The following C1orf87 variants were observed in gnomAD, a reference collection of about 807,000 sequenced individuals.
C1orf87 encodes the protein chromosome 1 open reading frame 87, also known as uncharacterized protein C1orf87.
A neutral mutation model predicts 60.5 loss-of-function variants in C1orf87; 58 were observed. That is an observed-to-expected ratio of 0.96 (90% CI 0.78 to 1.19). C1orf87 has a LOEUF of 1.19. Ranked by LOEUF, C1orf87 falls within the 50% of genes most tolerant of loss-of-function variation. The pLI is 0.00. For missense variants in C1orf87, 673 were observed against 638.6 expected (o/e 1.05, Z -0.58); for synonymous variants, 236 against 227.4 (o/e 1.04, Z -0.34).
chr1:59,992,224 CTATTTATT>C (rs71582609), intron 11 of C1orf87, among the ~76,000 whole-genome samples: 13,136 of 143,546 alleles, frequency 0.092, 644 homozygotes, highest in East Asian at 0.18. Flanking sequence ...AAGTAGGGGT[CTATTTATT>C]TATTTATTTA....
chr1:60,019,444 A>G (rs1427570650), intron 8 of C1orf87, among the ~76,000 whole-genome samples: 1 of 152,170 alleles, frequency 6.6e-6, no homozygotes, highest in African/African-American at 2.4e-5. Flanking sequence ...CAGCAGTGTA[A>G]AAACAGACTG....
At chr1:60,064,516 T>G (rs908594419) in intron 2 of C1orf87, among the ~76,000 whole-genome samples, 6 of 133,378 alleles carry the variant, frequency 4.5e-5, no homozygotes, top group African/African-American at 1.7e-4. Context: ...TAAAAATACT[T>G]TATTGCTAAA....
chr1:60,067,000 A>ACT (rs1645551346), intron 2 of C1orf87, among the ~76,000 whole-genome samples: 1 of 152,146 alleles, frequency 6.6e-6, no homozygotes, highest in Non-Finnish European at 1.5e-5. Flanking sequence ...CCTGCAAAGG[A>ACT]CATGAACTCA....
intron 2 of C1orf87, among the ~76,000 whole-genome samples, chr1:60,061,091 T>TC (rs2100326006): frequency 6.6e-6 from 1 of 152,318 alleles, no homozygotes; most frequent in Non-Finnish European, 1.5e-5. Flanking sequence ...TGTCTCTGCA[T>TC]CACGTCTGGA....
At chr1:60,009,195 A>G (rs1645066060) in intron 9 of C1orf87, among the ~76,000 whole-genome samples, 1 of 152,116 alleles carries the variant, frequency 6.6e-6, no homozygotes, top group Non-Finnish European at 1.5e-5. Flanking sequence ...TTTATAAGAT[A>G]AAGAAGAGGA....
At chr1:59,997,841 C>A (rs762891912) in intron 10 of C1orf87, 25 bp from the exon 11 acceptor site, 1 of 1,604,516 alleles carries the variant, frequency 6.2e-7, no homozygotes, top group South Asian at 1.1e-5. Context: ...AAAGCATTGG[C>A]AACACATTCA....
chr1:60,061,872 G>C (rs1645499358), intron 2 of C1orf87, among the ~76,000 whole-genome samples: 1 of 150,524 alleles, frequency 6.6e-6, no homozygotes, highest in South Asian at 2.1e-4. Context: ...GATTGCTTGA[G>C]CCCAGGAGTT....
At chr1:60,018,728 G>A (rs1264600837) in intron 8 of C1orf87, among the ~76,000 whole-genome samples, 1 of 152,116 alleles carries the variant, frequency 6.6e-6, no homozygotes, top group Non-Finnish European at 1.5e-5. Context: ...AGGTTTCAAA[G>A]AAGGCAGACT....
chr1:60,010,510 A>G, intron 8 of C1orf87, 54 bp from the exon 9 acceptor site: 1 of 1,456,556 alleles, frequency 6.9e-7, no homozygotes, highest in African/African-American at 1.4e-5. Flanking sequence ...CCCTGAAAGA[A>G]TGTCCAGTGA....
intron 2 of C1orf87, among the ~76,000 whole-genome samples, chr1:60,070,014 A>T (rs1200107873): frequency 2.0e-5 from 3 of 152,202 alleles, no homozygotes; most frequent in Non-Finnish European, 4.4e-5. Flanking sequence ...TGCGAGAACA[A>T]GGGGAGGCCT....
At position 60,016,036 on chromosome 1, in the gene C1orf87, C is replaced by A. The variant is rs1259156735; in HGVS notation, c.1128-5580G>T. Among the ~76,000 whole-genome samples, 8 of 152,268 alleles carry A rather than the reference C, an allele frequency of 5.3e-5. No homozygotes were observed. The East Asian group carries it at 1.5e-3, about 29-fold the overall frequency. ...AAAGTGTTGGGATTACAGGCATAAG[C>A]CACCATAACCAGCCTATCACTTCTT... is the stretch of plus-strand genomic sequence containing the variant. On this transcript the variant is annotated intron_variant, in intron 8 of 11. Transcript: ENST00000371201.
In C1orf87 at chr1:60,055,208, C is replaced by A; in HGVS notation, c.338G>T (p.Gly113Val). The change falls in exon 3 of 12, where the codon GGC becomes GTC. Residue 113 changes from glycine (G) to valine (V), a missense_variant. Physicochemically the swap from Gly to Val is moderately radical, Grantham distance 109 (BLOSUM62 -3). Transcript: ENST00000371201. ...TGGGTATTTTTTGTCACTCACATTG[C>A]CATCCAGGAATCTGCTACTGTTTGC... Reference protein sequence around the residue: ...TGANSSRFLDGNIPSQANVHC... With the variant: ...TGANSSRFLDVNIPSQANVHC... 6.2e-7 allele frequency: 1 copy of A among 1,610,726 alleles called. No individual in the cohort carries two copies. Among genetic ancestry groups the A allele is most frequent in the Non-Finnish European group, 8.5e-7 (1 of 1,177,126 alleles).
At chr1:60,017,872 A>G (rs894998947) in intron 8 of C1orf87, among the ~76,000 whole-genome samples, 1 of 152,144 alleles carries the variant, frequency 6.6e-6, no homozygotes, top group Non-Finnish European at 1.5e-5. Flanking sequence ...ATGTTAAAAA[A>G]ACAACAACAA....
chr1:59,990,645 C>T lies in C1orf87; in HGVS notation c.*28G>A, dbSNP rs1351103261. On this transcript the variant is annotated 3_prime_UTR_variant, in exon 12 of 12. Transcript: ENST00000371201. ...TGGGTAAAAAGGGAGATAAGGGAAACATCTGTTCTCACAATATGGGCTTGT... is the reference window on the plus strand; with the variant it reads ...TGGGTAAAAAGGGAGATAAGGGAAATATCTGTTCTCACAATATGGGCTTGT... 3 of 1,610,276 alleles carry T rather than the reference C, an allele frequency of 1.9e-6. No individual in the cohort carries two copies. The highest frequency in any genetic ancestry group is 1.7e-5 in the Admixed American group (1 of 59,824).
chr1:60,056,430 AG>A (rs1302505139), intron 2 of C1orf87, among the ~76,000 whole-genome samples: 1 of 152,210 alleles, frequency 6.6e-6, no homozygotes, highest in Non-Finnish European at 1.5e-5. Flanking sequence ...GCAAAAAAAA[AG>A]AAAACTCTAA....
intron 2 of C1orf87, among the ~76,000 whole-genome samples, chr1:60,057,181 C>T (rs1167613521): frequency 6.6e-6 from 1 of 152,076 alleles, no homozygotes; most frequent in African/African-American, 2.4e-5. Flanking sequence ...AGGATGTCTC[C>T]AGAGAGAGGA....
At chr1:60,053,219 A>G (rs893320137) in intron 3 of C1orf87, among the ~76,000 whole-genome samples, 1 of 152,226 alleles carries the variant, frequency 6.6e-6, no homozygotes, top group Non-Finnish European at 1.5e-5. Context: ...TTAAGTGCCC[A>G]TAAGGCGTTT....
chr1:60,062,984 A>T (rs1645507357), intron 2 of C1orf87, among the ~76,000 whole-genome samples: 1 of 152,166 alleles, frequency 6.6e-6, no homozygotes, highest in African/African-American at 2.4e-5. Context: ...AGTGCCTAAA[A>T]CAAACACAAA....
At chr1:60,011,493 A>C (rs539686024) in intron 8 of C1orf87, among the ~76,000 whole-genome samples, 6 of 151,308 alleles carry the variant, frequency 4.0e-5, no homozygotes, top group Admixed American at 6.6e-5. Context: ...CTTTGGTTCT[A>C]TTCCTTTCTG....
Sources: gnomAD v4.1 joint callset for allele counts (sites outside exome capture counted in the v4.1 genomes callset) on GRCh38, gnomAD v4.1.1 for gene constraint, MANE v1.5 for transcripts, NCBI Gene and HGNC (gene_info 2026-07-23, HGNC 2026-07-21) for gene names.